Variants in CCSER1 observed in about 807,000 individuals in gnomAD.
CCSER1 encodes the protein coiled-coil serine rich protein 1.
In CCSER1, 41 loss-of-function variants were observed where a neutral mutation model predicts 82.0. The observed-to-expected ratio is 0.50, with a 90% CI of 0.39 to 0.65. The LOEUF is 0.65. Among genes scored for constraint, CCSER1 ranks in the 30% least tolerant of loss-of-function variants. CCSER1 has a pLI of 0.00. For missense variants in CCSER1, 1,119 were observed against 1,064.2 expected (o/e 1.05, Z -0.72); for synonymous variants, 414 against 383.9 (o/e 1.08, Z -0.92).
intron 10 of CCSER1, among the ~76,000 whole-genome samples, chr4:91,128,540 A>C (rs1022977904): frequency 1.3e-5 from 2 of 152,112 alleles, no homozygotes; most frequent in African/African-American, 4.8e-5. Flanking sequence ...ATACATACAT[A>C]GTTTGTTTTG....
At chr4:90,326,785 T>C (rs1174690904) in intron 3 of CCSER1, among the ~76,000 whole-genome samples, 25 of 152,112 alleles carry the variant, frequency 1.6e-4, no homozygotes, top group Admixed American at 1.6e-3. Flanking sequence ...CCAGGCCCTT[T>C]CTTTCGGCAT....
At chr4:90,749,147 C>T (rs1354610580) in intron 7 of CCSER1, among the ~76,000 whole-genome samples, 1 of 151,314 alleles carries the variant, frequency 6.6e-6, no homozygotes, top group East Asian at 1.9e-4. Context: ...CCTAGGTTTT[C>T]TTCTAGGGTT....
At chr4:90,483,001 G>T (rs1458323544) in intron 5 of CCSER1, among the ~76,000 whole-genome samples, 1 of 152,170 alleles carries the variant, frequency 6.6e-6, no homozygotes, top group Non-Finnish European at 1.5e-5. Context: ...TATTGTGTGG[G>T]AGTCTAAGTC....
In CCSER1 at chr4:90,807,389, G is replaced by C. The variant is rs147003895; in HGVS notation, c.2011-8373G>C. On this transcript the variant is annotated intron_variant, in intron 7 of 10. Transcript: ENST00000509176. The stretch of plus-strand genomic sequence containing the variant: ...AAATTGGACTACTGTAAAAGAGGTG[G>C]AACAGAAAGAGTTAATAAGCATCTT... Among the ~76,000 whole-genome samples, 50 of 152,206 alleles carry C rather than the reference G, an allele frequency of 3.3e-4. No individual in the cohort carries two copies. In the East Asian group the frequency reaches 7.9e-3, roughly 24 times the overall value.
intron 5 of CCSER1, among the ~76,000 whole-genome samples, chr4:90,519,773 T>TA (rs1284856628): frequency 6.6e-6 from 1 of 152,058 alleles, no homozygotes; most frequent in Non-Finnish European, 1.5e-5. Context: ...ACTCTTGGAC[T>TA]AATACTTTGG....
At chr4:91,380,096 A>C (rs557408803) in intron 10 of CCSER1, among the ~76,000 whole-genome samples, 26 of 152,274 alleles carry the variant, frequency 1.7e-4, no homozygotes, top group Non-Finnish European at 3.2e-4. Flanking sequence ...GTTTGATTGC[A>C]CTGTGGTCTG....
At chr4:90,174,830 G>A (rs1250734220) in intron 1 of CCSER1, among the ~76,000 whole-genome samples, 1 of 151,928 alleles carries the variant, frequency 6.6e-6, no homozygotes, top group Non-Finnish European at 1.5e-5. Context: ...TATTAGAGAA[G>A]TTACAATTAA....
chr4:91,459,866 C>T (rs1417824974), intron 10 of CCSER1, among the ~76,000 whole-genome samples: 1 of 152,086 alleles, frequency 6.6e-6, no homozygotes, highest in Admixed American at 6.6e-5. Context: ...GATTATTTTA[C>T]ACCTGAATAT....
chr4:90,927,134 A>G (rs1245337970), intron 9 of CCSER1, among the ~76,000 whole-genome samples: 2 of 152,006 alleles, frequency 1.3e-5, no homozygotes, highest in Admixed American at 6.5e-5. Flanking sequence ...ATCTTTATGG[A>G]CAGCTTATGT....
At chr4:90,979,993 A>AT (rs1319672352) in intron 9 of CCSER1, among the ~76,000 whole-genome samples, 4 of 45,704 alleles carry the variant, frequency 8.8e-5, no homozygotes, top group Non-Finnish European at 1.4e-4. Flanking sequence ...TAACTAAAAA[A>AT]AAATAATAAA....
Position 90,628,183 on chromosome 4 carries a change from G to T in CCSER1, c.1883G>T (p.Cys628Phe). The T allele has an allele frequency of 6.2e-7, 1 of 1,613,908 alleles. No homozygotes were observed. The highest frequency in any genetic ancestry group is 8.5e-7 in the Non-Finnish European group (1 of 1,179,832). ...SLPFRLMLQD[C>F]TAVKTLLLKM... Reference sequence around the variant, plus strand: ...CCATTCAGACTGATGTTACAGGACTGCACGGCAGTCAAGACGTTATTATTA... The same window carrying T: ...CCATTCAGACTGATGTTACAGGACTTCACGGCAGTCAAGACGTTATTATTA... The change falls in exon 6 of 11, where the codon TGC becomes TTC. Residue 628 changes from cysteine (C) to phenylalanine (F), a missense_variant. Transcript: ENST00000509176.
chr4:90,813,257 A>T (rs1758577223), intron 7 of CCSER1, among the ~76,000 whole-genome samples: 1 of 152,242 alleles, frequency 6.6e-6, no homozygotes, highest in South Asian at 2.1e-4. Flanking sequence ...CACAGGCCTC[A>T]TGCAATTCTG....
intron 9 of CCSER1, among the ~76,000 whole-genome samples, chr4:90,937,988 CACTCTAACT>C (rs1245557380): frequency 6.6e-5 from 10 of 152,040 alleles, no homozygotes; most frequent in African/African-American, 2.4e-4. Context: ...TCATTTATAT[CACTCTAACT>C]AAACTTTTAC....
intron 4 of CCSER1, among the ~76,000 whole-genome samples, chr4:90,417,227 A>G (rs1178550623): frequency 6.6e-6 from 1 of 152,180 alleles, no homozygotes; most frequent in African/African-American, 2.4e-5. Flanking sequence ...AATATAAAAA[A>G]AATTTAAAAA....
intron 7 of CCSER1, among the ~76,000 whole-genome samples, chr4:90,763,977 T>C (rs951410349): frequency 6.6e-6 from 1 of 152,196 alleles, no homozygotes; most frequent in Non-Finnish European, 1.5e-5. Context: ...TAATTTCACA[T>C]TGATTATTTC....
chr4:90,445,311 C>T (rs746736901), intron 4 of CCSER1, among the ~76,000 whole-genome samples: 6 of 152,032 alleles, frequency 3.9e-5, no homozygotes, highest in Middle Eastern at 3.2e-3. Flanking sequence ...TATTAAATAT[C>T]GCTTCAAAGA....
At chr4:90,853,878 G>A (rs545377421) in intron 8 of CCSER1, among the ~76,000 whole-genome samples, 16 of 152,120 alleles carry the variant, frequency 1.1e-4, no homozygotes, top group Middle Eastern at 3.4e-3. Context: ...TTCAGTAAAG[G>A]TGTAACAATA....
chr4:91,154,010 T>C (rs1477310931), intron 10 of CCSER1, among the ~76,000 whole-genome samples: 2 of 151,974 alleles, frequency 1.3e-5, no homozygotes, highest in African/African-American at 4.8e-5. Context: ...AACTCTGTGC[T>C]GGGAGAACCA....
At chr4:91,163,225 A>G (rs1203778387) in intron 10 of CCSER1, among the ~76,000 whole-genome samples, 3 of 152,142 alleles carry the variant, frequency 2.0e-5, no homozygotes, top group African/African-American at 7.2e-5. Flanking sequence ...TTCAGTTTCC[A>G]TGTACTTGAG....
Sources: gnomAD v4.1 joint callset for allele counts (sites outside exome capture counted in the v4.1 genomes callset) on GRCh38, gnomAD v4.1.1 for gene constraint, MANE v1.5 for transcripts, NCBI Gene and HGNC (gene_info 2026-07-23, HGNC 2026-07-21) for gene names.